MTSS2: variants seen among roughly 807,000 people sequenced by gnomAD.
The protein encoded by MTSS2 is MTSS I-BAR domain containing 2.
Under a neutral mutation model 67.1 loss-of-function variants are expected in MTSS2, and 27 were observed. The observed-to-expected ratio is 0.40, with a 90% confidence interval of 0.30 to 0.55. The LOEUF (loss-of-function observed/expected upper bound fraction) is 0.55. Ranked by LOEUF, MTSS2 falls within the 20% of genes least tolerant of loss-of-function variation. The pLI, the probability that MTSS2 is intolerant of heterozygous loss-of-function variation, is 0.43. For missense variants in MTSS2, 1,171 were observed against 1,067.8 expected (o/e 1.10, Z -1.35); for synonymous variants, 624 against 468.6 (o/e 1.33, Z -4.28).
At chr16:70,680,365 G>C (rs917242225) in intron 3 of MTSS2, among the ~76,000 whole-genome samples, 3 of 152,146 alleles carry the variant, frequency 2.0e-5, no homozygotes, top group Non-Finnish European at 4.4e-5. Flanking sequence ...ATGCAGGTGC[G>C]GGAGTGTGAG....
Position 70,663,426 on chromosome 16 carries a change from G to A in MTSS2, c.*251C>T, listed in dbSNP as rs998347848. 1.4e-5 allele frequency: 8 copies of A among 576,226 alleles called. No individual in the cohort carries two copies. The highest frequency in any genetic ancestry group is 2.0e-5 in the Non-Finnish European group (7 of 349,572). The allele number at this position is 576,226 out of a possible 1,614,324, so 35.7% of individuals were successfully genotyped here. On this transcript the variant is annotated 3_prime_UTR_variant, in exon 15 of 15. Transcript: ENST00000338779. ...GCAGGGCCCCAGAGGAGGAAGAGGAGGGACCGAAGAGCATAAAACAGACCC... is the reference window on the plus strand; with the variant it reads ...GCAGGGCCCCAGAGGAGGAAGAGGAAGGACCGAAGAGCATAAAACAGACCC...
chr16:70,661,548 T>G lies in MTSS2; in HGVS notation c.*2129A>C. 2.9e-6 allele frequency: 1 copy of G among 348,806 alleles called. No homozygotes were observed. Among genetic ancestry groups the G allele is most frequent in the Non-Finnish European group, 5.6e-6 (1 of 177,088 alleles). 21.6% of individuals were successfully genotyped at this position (348,806 alleles called of 1,614,324 possible). On this transcript the variant is annotated 3_prime_UTR_variant, in exon 15 of 15. Transcript: ENST00000338779. ...AATGAGAAATTAAACGAACGTAAAGTCCCCCAAACCAAAGTTTGTGATGTG... is the reference window on the plus strand; with the variant it reads ...AATGAGAAATTAAACGAACGTAAAGGCCCCCAAACCAAAGTTTGTGATGTG...
chr16:70,675,939 C>T (rs2053102805), intron 10 of MTSS2, among the ~76,000 whole-genome samples: 2 of 152,246 alleles, frequency 1.3e-5, no homozygotes, highest in South Asian at 4.1e-4. Flanking sequence ...GTGTTCCTGG[C>T]TAAGCGTGAC....
Position 70,663,726 on chromosome 16 carries a change from C to G in MTSS2, c.2195G>C (p.Arg732Pro), listed in dbSNP as rs774420052. The G allele has an allele frequency of 6.3e-7, 1 of 1,582,002 alleles. No individual in the cohort carries two copies. Among genetic ancestry groups the G allele is most frequent in the Non-Finnish European group, 8.6e-7 (1 of 1,166,180 alleles). Reference sequence around the variant, plus strand: ...GTCGTTGGTGACGGTCCTGCGGAGCCGGACCCCACGCCGGATGGCCACCAG... The same window carrying G: ...GTCGTTGGTGACGGTCCTGCGGAGCGGGACCCCACGCCGGATGGCCACCAG... ...DMLVAIRRGV[R>P]LRRTVTNDRS... The change falls in exon 15 of 15, where the codon CGG becomes CCG. Residue 732 changes from arginine (R) to proline (P), a missense_variant. Around this residue, in one of 2 missense-constraint regions of MTSS2, gnomAD observed 924 missense variants for 756.0 expected, o/e 1.22. Coordinates refer to ENST00000338779, the MANE Select transcript of MTSS2 (RefSeq NM_138383.3).
chr16:70,670,959 G>C (rs1190736651), intron 11 of MTSS2, among the ~76,000 whole-genome samples: 1 of 113,094 alleles, frequency 8.8e-6, no homozygotes, highest in African/African-American at 3.5e-5. Flanking sequence ...GACAGAGTGA[G>C]ACCCTGTCTC....
rs760716259 is a variant in MTSS2, at chr16:70,664,648, C to T, written c.1421G>A (p.Ser474Asn). ...RDSLQYSSGY[S>N]TQTTTPSCSE... is the part of the protein sequence containing the mutation. ...GCAGGAGGGCGTGGTGGTCTGCGTG[C>T]TGTAGCCGCTGGAGTACTGCAGCGA... The change falls in exon 14 of 15, where the codon AGC becomes AAC. Residue 474 changes from serine to asparagine, a missense_variant. Physicochemically the swap from Ser to Asn is conservative, Grantham distance 46. Around this residue, in one of 2 missense-constraint regions of MTSS2, gnomAD observed 924 missense variants for 756.0 expected, o/e 1.22. Transcript: ENST00000338779. 3 of 1,613,376 alleles carry T rather than the reference C, an allele frequency of 1.9e-6. No individual in the cohort carries two copies. The highest frequency in any genetic ancestry group is 2.2e-5 in the South Asian group (2 of 91,052).
intron 11 of MTSS2, among the ~76,000 whole-genome samples, chr16:70,671,912 G>C (rs745599460): frequency 6.6e-6 from 1 of 152,190 alleles, no homozygotes; most frequent in Non-Finnish European, 1.5e-5. Flanking sequence ...AAAGGCATCA[G>C]ACAAAGCCAG....
intron 8 of MTSS2, 142 bp downstream of exon 8, chr16:70,678,108 CTA>C (rs1597821256): frequency 1.7e-6 from 2 of 1,154,164 alleles, no homozygotes; most frequent in Non-Finnish European, 2.5e-6. Context: ...GCATGGTGAG[CTA>C]TGAGACCTGC....
At chr16:70,670,969 CA>C (rs1166088540) in intron 11 of MTSS2, among the ~76,000 whole-genome samples, 2,508 of 32,960 alleles carry the variant, frequency 0.076, 15 homozygotes, top group African/African-American at 0.18. Flanking sequence ...GACCCTGTCT[CA>C]AAAAAAAAAA....
intron 11 of MTSS2, among the ~76,000 whole-genome samples, chr16:70,668,830 T>G (rs1026613664): frequency 6.6e-6 from 1 of 152,216 alleles, no homozygotes; most frequent in Non-Finnish European, 1.5e-5. Context: ...GCTGGTGTCT[T>G]GATCCTGGCC....
intron 2 of MTSS2, 28 bp from the exon 3 acceptor site, chr16:70,680,895 G>T (rs753107288): frequency 6.1e-5 from 94 of 1,548,908 alleles, no homozygotes; most frequent in Non-Finnish European, 7.9e-5. Context: ...GGCATGGATG[G>T]TCGGTGGTTG....
Position 70,662,506 on chromosome 16 carries a change from C to T in MTSS2, c.*1171G>A, listed in dbSNP as rs1240985491. ...AGCCAATCTTCCCAGACTCGCTCCC[C>T]CACCTGGGCTTGCAGCCAGCTCAGA... is the stretch of plus-strand genomic sequence containing the variant. On this transcript the variant is annotated 3_prime_UTR_variant, in exon 15 of 15. Transcript: ENST00000338779. The T allele has an allele frequency of 6.6e-6, 1 of 152,444 alleles. No homozygotes were observed. The highest frequency in any genetic ancestry group is 1.5e-5 in the Non-Finnish European group (1 of 68,222). The allele number at this position is 152,444 out of a possible 1,614,324, so 9.4% of individuals were successfully genotyped here.
In MTSS2 at chr16:70,664,114, C is replaced by G. The variant is rs201050211; in HGVS notation, c.1807G>C (p.Gly603Arg). 3.7e-6 allele frequency: 6 copies of G among 1,611,686 alleles called. No homozygotes were observed. Among genetic ancestry groups the G allele is most frequent in the Non-Finnish European group, 4.2e-6 (5 of 1,179,706 alleles). Residue 603 changes from glycine to arginine, a missense_variant, in exon 15 of 15, where the codon GGC becomes CGC. By Grantham distance (125) the Gly-to-Arg change is moderately radical. Around this residue, in one of 2 missense-constraint regions of MTSS2, gnomAD observed 924 missense variants for 756.0 expected, o/e 1.22. Transcript: ENST00000338779. Reference sequence around the variant, plus strand: ...CCCGCCCGTGTGGGCCCCATGTAGCCGGGGGAGTCAGGCACCGTGGGCGTC... The same window carrying G: ...CCCGCCCGTGTGGGCCCCATGTAGCGGGGGGAGTCAGGCACCGTGGGCGTC... Reference protein sequence around the residue: ...VKTPTVPDSPGYMGPTRAGSE... With the variant: ...VKTPTVPDSPRYMGPTRAGSE...
chr16:70,679,365 AG>A, intron 6 of MTSS2, 42 bp from the exon 7 acceptor site: 1 of 1,612,736 alleles, frequency 6.2e-7, no homozygotes, highest in Non-Finnish European at 8.5e-7. Context: ...AGACAGAGAA[AG>A]AAAGAATGTG....
Position 70,674,496 on chromosome 16 carries a change from C to T in MTSS2, c.863G>A (p.Gly288Asp). ...GGCACCCCCAGGCCATGGGGCTCCG[C>T]CACCCTTGGCACTGCTACTGCTGCT... is the stretch of plus-strand genomic sequence containing the variant. ...APSSSSSAKG[G>D]GAPWPGGAQT... Residue 288 changes from glycine to aspartate, a missense_variant, in exon 11 of 15, where the codon GGC (glycine) becomes GAC (aspartate). Gly to Asp is a moderately conservative substitution (Grantham distance 94, BLOSUM62 -1). Coordinates refer to ENST00000338779, the MANE Select transcript of MTSS2 (RefSeq NM_138383.3). 6.2e-7 allele frequency: 1 copy of T among 1,613,756 alleles called. No homozygotes were observed. Among genetic ancestry groups the T allele is most frequent in the Non-Finnish European group, 8.5e-7 (1 of 1,180,014 alleles).
At position 70,661,634 on chromosome 16, in the gene MTSS2, A is replaced by G. The variant is rs2052474647; in HGVS notation, c.*2043T>C. On this transcript the variant is annotated 3_prime_UTR_variant, in exon 15 of 15. Transcript: ENST00000338779. Reference sequence around the variant, plus strand: ...ATGAGGTGGTTGCTAAGTCGACGCAAGGGCGGCGGGGGTGGTCTCAGGGAT... The same window carrying G: ...ATGAGGTGGTTGCTAAGTCGACGCAGGGGCGGCGGGGGTGGTCTCAGGGAT... 1 of 338,976 alleles carries G rather than the reference A, an allele frequency of 3.0e-6. No individual in the cohort carries two copies. The highest frequency in any genetic ancestry group is 5.7e-6 in the Non-Finnish European group (1 of 174,308). The allele number at this position is 338,976 out of a possible 1,614,324, so 21.0% of individuals were successfully genotyped here.
chr16:70,679,939 C>CGCCCCCCT (rs763500561), intron 4 of MTSS2, 32 bp downstream of exon 4: 2 of 1,497,444 alleles, frequency 1.3e-6, no homozygotes, highest in Non-Finnish European at 1.8e-6. Flanking sequence ...CCCGTCCCCC[C>CGCCCCCCT]GCCCCCCTGC....
At chr16:70,664,562 G>A (rs763756367) in intron 14 of MTSS2, 36 bp downstream of exon 14, 34 of 1,602,642 alleles carry the variant, frequency 2.1e-5, no homozygotes, top group Admixed American at 8.4e-5. Flanking sequence ...CTAAGTCCCA[G>A]CTGTCCCTGG....
chr16:70,677,227 A>G (rs536898922), intron 9 of MTSS2, among the ~76,000 whole-genome samples: 1 of 152,286 alleles, frequency 6.6e-6, no homozygotes, highest in African/African-American at 2.4e-5. Flanking sequence ...GGCGAGAGTG[A>G]CCCTGACACC....
Sources: gnomAD v4.1 joint callset for allele counts (sites outside exome capture counted in the v4.1 genomes callset) on GRCh38, gnomAD v4.1.1 for gene constraint, gnomAD v4.1.1 regional missense constraint, MANE v1.5 for transcripts, NCBI Gene and HGNC (gene_info 2026-07-23, HGNC 2026-07-21) for gene names.